Variants in GTF2I observed in about 807,000 individuals in gnomAD.
The protein encoded by GTF2I is general transcription factor II-I.
Under a neutral mutation model 67.6 loss-of-function variants are expected in GTF2I, and 12 were observed. The observed-to-expected ratio is 0.18, with a 90% CI of 0.11 to 0.29. The LOEUF (loss-of-function observed/expected upper bound fraction) is 0.29. Among genes scored for constraint, GTF2I ranks in the 10% least tolerant of loss-of-function variants. The pLI, the probability that GTF2I is intolerant of heterozygous loss-of-function variation, is 1.00. For missense variants in GTF2I, 271 were observed against 580.1 expected (o/e 0.47, Z 5.47); for synonymous variants, 149 against 197.0 (o/e 0.76, Z 2.04).
chr7:74,699,159 G>A (rs893440590), intron 4 of GTF2I, 64 bp downstream of exon 4: 9 of 881,684 alleles, frequency 1.0e-5, no homozygotes, highest in Admixed American at 6.4e-5. Flanking sequence ...CTAAAGGGAA[G>A]CTTATGTAAT....
chr7:74,663,314 C>G (rs1424400868), intron 1 of GTF2I, among the ~76,000 whole-genome samples: 2 of 152,090 alleles, frequency 1.3e-5, no homozygotes, highest in African/African-American at 4.8e-5. Flanking sequence ...GAGATGGAGT[C>G]TCGCTCTGTG....
At chr7:74,681,822 G>A (rs782380423) in intron 1 of GTF2I, among the ~76,000 whole-genome samples, 1 of 151,992 alleles carries the variant, frequency 6.6e-6, no homozygotes, top group South Asian at 2.1e-4. Flanking sequence ...TGAGGCAGGA[G>A]AATCACTTGA....
chr7:74,714,804 A>C, intron 9 of GTF2I, 53 bp from the exon 10 acceptor site: 1 of 1,253,162 alleles, frequency 8.0e-7, no homozygotes, highest in Non-Finnish European at 1.1e-6. Flanking sequence ...AAGTCACCCC[A>C]CATTTTTTTT....
intron 1 of GTF2I, among the ~76,000 whole-genome samples, chr7:74,658,351 A>G (rs1478720806): frequency 6.8e-6 from 1 of 146,446 alleles, no homozygotes; most frequent in African/African-American, 2.5e-5. Flanking sequence ...GGGGGACGAC[A>G]GTGGCACGCG....
intron 19 of GTF2I, 127 bp from the exon 20 acceptor site, chr7:74,743,322 C>CA: frequency 4.1e-6 from 1 of 246,052 alleles, no homozygotes; most frequent in Non-Finnish European, 7.5e-6. Flanking sequence ...GACTCTGTCT[C>CA]AAAAAAATAA....
At chr7:74,671,011 A>T (rs1158121780) in intron 1 of GTF2I, among the ~76,000 whole-genome samples, 1 of 146,714 alleles carries the variant, frequency 6.8e-6, no homozygotes, top group African/African-American at 2.5e-5. Flanking sequence ...TTTTTTAAGG[A>T]TGTTGTTTTG....
chr7:74,735,676 T>G, intron 17 of GTF2I, 144 bp downstream of exon 17: 1 of 504,480 alleles, frequency 2.0e-6, no homozygotes, highest in Admixed American at 3.4e-5. Flanking sequence ...TTGGGTTTTT[T>G]TTTTTTTCTT....
chr7:74,680,219 C>T (rs1333179316), intron 1 of GTF2I, among the ~76,000 whole-genome samples: 3 of 141,560 alleles, frequency 2.1e-5, no homozygotes, highest in African/African-American at 7.8e-5. Context: ...TATATTATAA[C>T]ATGAAAAAGA....
chr7:74,715,656 A>T (rs1331411810), intron 10 of GTF2I, among the ~76,000 whole-genome samples: 1 of 152,098 alleles, frequency 6.6e-6, no homozygotes, highest in African/African-American at 2.4e-5. Context: ...AAATATTAAG[A>T]TTAAAAAAAG....
intron 11 of GTF2I, among the ~76,000 whole-genome samples, chr7:74,717,365 T>C (rs1792388810): frequency 6.6e-6 from 1 of 152,190 alleles, no homozygotes; most frequent in African/African-American, 2.4e-5. Context: ...TTAGTCTACA[T>C]AAAATTTATA....
chr7:74,723,981 TAAG>T (rs1793442405), intron 12 of GTF2I, among the ~76,000 whole-genome samples: 1 of 152,100 alleles, frequency 6.6e-6, no homozygotes, highest in Non-Finnish European at 1.5e-5. Flanking sequence ...GCAGGGGAGA[TAAG>T]AAGTTGTTGA....
intron 1 of GTF2I, among the ~76,000 whole-genome samples, chr7:74,685,925 C>T (rs1285274901): frequency 6.6e-6 from 1 of 151,842 alleles, no homozygotes; most frequent in Non-Finnish European, 1.5e-5. Flanking sequence ...TGGTGGCGGG[C>T]GCCTGTAGTC....
At chr7:74,698,432 GTC>G (rs1397785267) in intron 3 of GTF2I, among the ~76,000 whole-genome samples, 9 of 121,694 alleles carry the variant, frequency 7.4e-5, no homozygotes, top group Non-Finnish European at 1.3e-4. Flanking sequence ...AAGAGACACA[GTC>G]TCTATCCATC....
At chr7:74,687,390 A>G (rs1787831967) in intron 1 of GTF2I, 1 of 156,592 alleles carries the variant, frequency 6.4e-6, no homozygotes, top group Non-Finnish European at 1.4e-5. Flanking sequence ...ATGCCCGGCT[A>G]TTTGGAATTT....
At chr7:74,683,373 G>T (rs1261888459) in intron 1 of GTF2I, among the ~76,000 whole-genome samples, 3 of 152,130 alleles carry the variant, frequency 2.0e-5, no homozygotes, top group Non-Finnish European at 4.4e-5. Flanking sequence ...TGTGCTGAAA[G>T]AATATAATTG....
At position 74,711,023 on chromosome 7, in the gene GTF2I, C is replaced by G. The variant is rs587731667; in HGVS notation, c.686-9C>G. ...ACATGCAATCATATCATTGCATTTGCTTTTCTAGGCATTTCCCTGGAAATG... is the reference window on the plus strand; with the variant it reads ...ACATGCAATCATATCATTGCATTTGGTTTTCTAGGCATTTCCCTGGAAATG... On this transcript the variant is annotated splice_polypyrimidine_tract_variant and intron_variant, in intron 8 of 34. Transcript: ENST00000573035. 5.0e-5 allele frequency: 74 copies of G among 1,470,052 alleles called. No individual in the cohort carries two copies. In the South Asian group the frequency reaches 8.9e-4, roughly 18 times the overall value. The allele number at this position is 1,470,052 out of a possible 1,614,324, so 91.1% of individuals were successfully genotyped here.
intron 12 of GTF2I, among the ~76,000 whole-genome samples, chr7:74,719,198 A>C (rs1792626470): frequency 6.6e-6 from 1 of 152,146 alleles, no homozygotes; most frequent in South Asian, 2.1e-4. Flanking sequence ...AAAAGAGAAA[A>C]AGAAAATTAT....
At chr7:74,707,505 A>C (rs1790895090) in intron 8 of GTF2I, among the ~76,000 whole-genome samples, 1 of 152,174 alleles carries the variant, frequency 6.6e-6, no homozygotes, top group South Asian at 2.1e-4. Context: ...GGCCGCGTTA[A>C]CGTGTGTGTG....
chr7:74,687,857 T>G (rs1554395890), intron 1 of GTF2I, among the ~76,000 whole-genome samples: 1 of 152,216 alleles, frequency 6.6e-6, no homozygotes, highest in Non-Finnish European at 1.5e-5. Flanking sequence ...TTTAAATTTT[T>G]CAGTTATCTT....
Sources: allele counts gnomAD v4.1 joint callset (sites outside exome capture counted in the v4.1 genomes callset), GRCh38; gene constraint gnomAD v4.1.1; transcripts MANE v1.5; gene names NCBI Gene and HGNC (gene_info 2026-07-23, HGNC 2026-07-21).